SDHC: variants seen among roughly 807,000 people sequenced by gnomAD.
The protein encoded by SDHC is succinate dehydrogenase cytochrome b560 subunit, mitochondrial.
SDHC carries 11 observed loss-of-function variants against 22.6 expected under a neutral mutation model. The observed-to-expected ratio is 0.49, with a 90% CI of 0.31 to 0.81. SDHC has a LOEUF of 0.81. SDHC is among the 30% of genes least tolerant of loss of function. The pLI is 0.05. For synonymous variants in SDHC, 80 were observed against 77.8 expected, an observed-to-expected ratio of 1.03 and a Z score of -0.15; for missense variants, 160 against 212.0, an observed-to-expected ratio of 0.75 and a Z score of 1.52.
chr1:161,348,301 G>C (rs1277980236), intron 4 of SDHC, among the ~76,000 whole-genome samples: 6 of 151,704 alleles, frequency 4.0e-5, no homozygotes, highest in Non-Finnish European at 7.4e-5. Flanking sequence ...TGGGACTACA[G>C]GCATGTGTCA....
At chr1:161,354,663 TTGTGTGTGTGTGTGTG>T (rs60151629) in intron 4 of SDHC, among the ~76,000 whole-genome samples, 8,224 of 116,602 alleles carry the variant, frequency 0.071, 301 homozygotes, top group African/African-American at 0.091. Context: ...TCTTATTTCT[TTGTGTGTGTGTGTGTG>T]TGTGTGTGTG....
rs763340952 is a variant in SDHC at position 161,362,503 on chromosome 1, T to C, written c.*70T>C. ...CACCCATCTTTCTGTTTGTCATTCT[T>C]ATCTCCAGCCTGGGAAAAGTTCTCC... On this transcript the variant is annotated 3_prime_UTR_variant, in exon 6 of 6. Coordinates refer to ENST00000367975, the MANE Select transcript of SDHC (RefSeq NM_003001.5). The C allele has an allele frequency of 1.9e-6, 3 of 1,610,948 alleles. No individual in the cohort carries two copies. In the South Asian group the frequency reaches 3.3e-5, roughly 18 times the overall value.
intron 2 of SDHC, among the ~76,000 whole-genome samples, chr1:161,327,462 G>A (rs920644999): frequency 2.7e-4 from 41 of 152,310 alleles, no homozygotes; most frequent in African/African-American, 9.4e-4. Flanking sequence ...GTCCTTGCAG[G>A]TATTACCAAG....
At chr1:161,339,171 A>G (rs1671608752) in intron 3 of SDHC, among the ~76,000 whole-genome samples, 1 of 151,754 alleles carries the variant, frequency 6.6e-6, no homozygotes, top group South Asian at 2.1e-4. Flanking sequence ...TTCTAATTGT[A>G]TCAACTGTAT....
intron 1 of SDHC, among the ~76,000 whole-genome samples, chr1:161,316,552 C>T (rs1289965894): frequency 1.3e-5 from 2 of 152,322 alleles, no homozygotes; most frequent in South Asian, 4.1e-4. Flanking sequence ...TCTCTTATGT[C>T]TGCTTTCTAT....
At chr1:161,342,538 C>T (rs181796618) in intron 4 of SDHC, among the ~76,000 whole-genome samples, 6 of 144,180 alleles carry the variant, frequency 4.2e-5, no homozygotes, top group Non-Finnish European at 6.0e-5. Context: ...GACAGAGTTT[C>T]GCTCTTGTTG....
rs550144352 is a variant in SDHC at position 161,338,857 on chromosome 1, TC to T, written c.180-1736del. 3.6e-4 allele frequency among the ~76,000 whole-genome samples: 54 copies of T among 152,020 alleles called. 1 individual carries two copies. In the East Asian group the frequency reaches 0.01, roughly 29 times the overall value. On this transcript the variant is annotated intron_variant, in intron 3 of 5. Coordinates refer to ENST00000367975, the MANE Select transcript of SDHC (RefSeq NM_003001.5). ...TTACAGTGATTGCTTTCTTTCTTTT[TC>T]TTTTTTTTGAGATGGAGTCACCCTC...
At chr1:161,356,438 C>G (rs186505215) in intron 4 of SDHC, among the ~76,000 whole-genome samples, 25 of 152,242 alleles carry the variant, frequency 1.6e-4, no homozygotes, top group Admixed American at 1.2e-3. Flanking sequence ...ACTCAGGAGG[C>G]TGAAGCAGGA....
chr1:161,348,487 GACTAAT>G (rs1313937688), intron 4 of SDHC, among the ~76,000 whole-genome samples: 6 of 151,464 alleles, frequency 4.0e-5, no homozygotes, highest in Non-Finnish European at 7.4e-5. Flanking sequence ...TGAAAGAGGA[GACTAAT>G]AGCACTCTTA....
rs1672571453 is a variant in SDHC at position 161,362,633 on chromosome 1, G to C, written c.*200G>C. The C allele has an allele frequency of 1.0e-5, 16 of 1,568,116 alleles. No homozygotes were observed. The South Asian group carries it at 1.9e-4, about 18-fold the overall frequency. Reference sequence around the variant, plus strand: ...GTCTAGTTTTCCCCTTGTTTCTAAAGATGAGGTGGCTGCAAAAACTCCCCT... The same window carrying C: ...GTCTAGTTTTCCCCTTGTTTCTAAACATGAGGTGGCTGCAAAAACTCCCCT... On this transcript the variant is annotated 3_prime_UTR_variant, in exon 6 of 6. Coordinates refer to ENST00000367975, the MANE Select transcript of SDHC (RefSeq NM_003001.5).
chr1:161,314,642 C>G, intron 1 of SDHC: 2 of 604,816 alleles, frequency 3.3e-6, no homozygotes, highest in South Asian at 4.0e-5. Context: ...GACTTCGTAT[C>G]GAGGGGCCCT....
In SDHC at chr1:161,356,714, T is replaced by G. The variant is rs2102370578; in HGVS notation, c.279T>G (p.Pro93=). 1 of 1,614,024 alleles carries G rather than the reference T, an allele frequency of 6.2e-7. No individual in the cohort carries two copies. Among genetic ancestry groups the G allele is most frequent in the Non-Finnish European group, 8.5e-7 (1 of 1,179,926 alleles). ...SLFGMSALLL[P]GNFESYLELV... is the part of the protein sequence containing the mutation. ...TTGGCATGTCGGCCCTGTTACTCCC[T>G]GGGAACTTTGAGTCTTATTTGGAAC... Residue 93 remains proline, a synonymous_variant, in exon 5 of 6, where the codon CCT becomes CCG. Coordinates refer to ENST00000367975, the MANE Select transcript of SDHC (RefSeq NM_003001.5).
rs530098023 is a variant in SDHC, at chr1:161,333,558, C to T, written c.179+5061C>T. On this transcript the variant is annotated intron_variant, in intron 3 of 5. Transcript: ENST00000367975. ...AGCTGGGACTACAGGCATGCGCCAC[C>T]GCGCCCAACTAATTTTTCTATTTTT... 4.9e-4 allele frequency among the ~76,000 whole-genome samples: 75 copies of T among 152,220 alleles called. 4 individuals carry two copies. In the South Asian group the frequency reaches 8.3e-3, roughly 17 times the overall value.
chr1:161,314,472 T>G (rs1274066369), intron 1 of SDHC, 47 bp downstream of exon 1: 2 of 1,604,130 alleles, frequency 1.2e-6, no homozygotes, highest in East Asian at 2.2e-5. Context: ...CCTCCGGAGA[T>G]CTGAACTGGC....
chr1:161,322,243 C>T (rs953146358), intron 1 of SDHC, among the ~76,000 whole-genome samples: 7 of 151,820 alleles, frequency 4.6e-5, no homozygotes, highest in African/African-American at 7.3e-5. Context: ...CAACCTGTAC[C>T]GTGTAAACTT....
At chr1:161,341,318 T>C (rs1195621408) in intron 4 of SDHC, among the ~76,000 whole-genome samples, 1 of 152,218 alleles carries the variant, frequency 6.6e-6, no homozygotes. Flanking sequence ...TCTTATCACC[T>C]AGACATGCTC....
At chr1:161,331,330 C>CG (rs1158483187) in intron 3 of SDHC, among the ~76,000 whole-genome samples, 1 of 151,692 alleles carries the variant, frequency 6.6e-6, no homozygotes, top group African/African-American at 2.4e-5. Flanking sequence ...TGCAGTGGCA[C>CG]GATCTGGGCT....
intron 4 of SDHC, among the ~76,000 whole-genome samples, chr1:161,345,837 G>T (rs1364370483): frequency 6.6e-6 from 1 of 151,116 alleles, no homozygotes; most frequent in Non-Finnish European, 1.5e-5. Flanking sequence ...ACGGAGTCTT[G>T]CTCTGTTGCC....
intron 4 of SDHC, among the ~76,000 whole-genome samples, chr1:161,350,835 A>G (rs938173880): frequency 6.6e-5 from 10 of 152,150 alleles, no homozygotes; most frequent in African/African-American, 2.4e-4. Context: ...TTCTATGAGC[A>G]CCACTAGTCT....
Sources: allele counts gnomAD v4.1 joint callset (sites outside exome capture counted in the v4.1 genomes callset), GRCh38; gene constraint gnomAD v4.1.1; transcripts MANE v1.5; gene names NCBI Gene and HGNC (gene_info 2026-07-23, HGNC 2026-07-21).